The following PCDH15 variants were observed in gnomAD, a reference collection of about 807,000 sequenced individuals.
PCDH15 encodes the protein protocadherin-15.
In PCDH15, 129 loss-of-function variants were observed where a neutral mutation model predicts 178.5. That is an observed-to-expected ratio of 0.72 (90% CI 0.63 to 0.84). PCDH15 has a LOEUF of 0.84. Among genes scored for constraint, PCDH15 ranks in the 40% least tolerant of loss-of-function variants. PCDH15 has a pLI of 0.00. For synonymous variants in PCDH15, 800 were observed against 732.0 expected (o/e 1.09, Z -1.50); for missense variants, 2,230 against 2,099.9 (o/e 1.06, Z -1.21).
intron 25 of PCDH15, among the ~76,000 whole-genome samples, chr10:53,909,449 A>G (rs926916531): frequency 6.6e-6 from 1 of 152,186 alleles, no homozygotes; most frequent in Non-Finnish European, 1.5e-5. Context: ...GTCCTCTTAA[A>G]TAAAATAAAT....
intron 35 of PCDH15, among the ~76,000 whole-genome samples, chr10:53,813,820 C>T (rs1157146456): frequency 1.3e-5 from 2 of 151,908 alleles, no homozygotes; most frequent in African/African-American, 4.8e-5. Flanking sequence ...CAAGAACTGA[C>T]TAAAGAATAT....
At chr10:53,811,186 C>T (rs1446058341) in intron 36 of PCDH15, among the ~76,000 whole-genome samples, 3 of 152,134 alleles carry the variant, frequency 2.0e-5, no homozygotes, top group Admixed American at 2.0e-4. Flanking sequence ...CCTAACTGCT[C>T]TTGGGCAAAA....
chr10:55,024,456 C>A (rs2384609), intron 2 of PCDH15, among the ~76,000 whole-genome samples: 1 of 49,872 alleles, frequency 2.0e-5, no homozygotes, highest in African/African-American at 4.6e-5. Context: ...TATATATATA[C>A]ACACACATAT....
chr10:54,416,895 A>G lies in PCDH15; in HGVS notation c.158-37953T>C, dbSNP rs373900992. 2.0e-5 allele frequency among the ~76,000 whole-genome samples: 3 copies of G among 151,960 alleles called. No homozygotes were observed. The East Asian group carries it at 5.8e-4, about 29-fold the overall frequency. On this transcript the variant is annotated intron_variant, in intron 3 of 37. Coordinates refer to ENST00000644397, the MANE Select transcript of PCDH15 (RefSeq NM_001384140.1). The stretch of plus-strand genomic sequence containing the variant: ...GATCCCTGATGTTGAGCATTTTTTC[A>G]TGTTTGTTGGCCATGTAGATGTCAT...
At chr10:55,092,834 T>TTG in intron 2 of PCDH15, among the ~76,000 whole-genome samples, 1 of 151,956 alleles carries the variant, frequency 6.6e-6, no homozygotes, top group South Asian at 2.1e-4. Context: ...GACTCACATA[T>TTG]TAAAACAACA....
At chr10:53,861,730 C>A (rs929047596) in intron 27 of PCDH15, among the ~76,000 whole-genome samples, 49 of 152,046 alleles carry the variant, frequency 3.2e-4, no homozygotes, top group Non-Finnish European at 5.9e-5. Flanking sequence ...TCTTTGAAAT[C>A]TGGTGTGTAT....
intron 1 of PCDH15, among the ~76,000 whole-genome samples, chr10:54,671,340 TCCTA>T (rs2094666387): frequency 6.6e-6 from 1 of 152,142 alleles, no homozygotes; most frequent in Non-Finnish European, 1.5e-5. Context: ...ATGAGTATTT[TCCTA>T]AGGCAAATCC....
chr10:55,385,740 T>G (rs546773962), intron 2 of PCDH15, among the ~76,000 whole-genome samples: 1 of 144,736 alleles, frequency 6.9e-6, no homozygotes, highest in Non-Finnish European at 1.5e-5. Context: ...TACACGTATA[T>G]AGATATGCAT....
chr10:53,965,055 C>T (rs1048814962), intron 21 of PCDH15, among the ~76,000 whole-genome samples: 17 of 114,632 alleles, frequency 1.5e-4, no homozygotes, highest in African/African-American at 5.4e-4. Context: ...ATTAATAGTA[C>T]CTACATTTTT....
At chr10:54,694,358 T>C (rs2135843952) in intron 1 of PCDH15, among the ~76,000 whole-genome samples, 1 of 152,290 alleles carries the variant, frequency 6.6e-6, no homozygotes, top group Middle Eastern at 3.4e-3. Flanking sequence ...ACAAATACCT[T>C]TTTTATTCAA....
chr10:54,502,806 T>C (rs1311238649), intron 3 of PCDH15, among the ~76,000 whole-genome samples: 1 of 152,072 alleles, frequency 6.6e-6, no homozygotes, highest in African/African-American at 2.4e-5. Flanking sequence ...GTTGTATTCT[T>C]TCCACTGTTT....
At chr10:54,929,600 T>C (rs1303717727) in intron 2 of PCDH15, among the ~76,000 whole-genome samples, 1 of 152,166 alleles carries the variant, frequency 6.6e-6, no homozygotes, top group African/African-American at 2.4e-5. Flanking sequence ...TTGTGGCCCA[T>C]TGGCCAAATT....
intron 4 of PCDH15, among the ~76,000 whole-genome samples, chr10:54,369,506 G>T (rs1947326143): frequency 6.6e-6 from 1 of 151,972 alleles, no homozygotes. Flanking sequence ...CTCACAGTTA[G>T]TGGATGGCTA....
intron 1 of PCDH15, among the ~76,000 whole-genome samples, chr10:54,692,138 T>C (rs1374237202): frequency 6.6e-6 from 1 of 152,180 alleles, no homozygotes; most frequent in African/African-American, 2.4e-5. Context: ...ATCATAGCTC[T>C]ATTTATTATA....
At chr10:55,033,037 T>A (rs1840649719) in intron 2 of PCDH15, among the ~76,000 whole-genome samples, 1 of 152,218 alleles carries the variant, frequency 6.6e-6, no homozygotes, top group South Asian at 2.1e-4. Context: ...ACCATGATGC[T>A]AAATCTTCAG....
At chr10:54,830,603 A>C (rs1415823747) in intron 3 of PCDH15, among the ~76,000 whole-genome samples, 1 of 151,074 alleles carries the variant, frequency 6.6e-6, no homozygotes, top group East Asian at 2.0e-4. Flanking sequence ...GGTAGGGGGG[A>C]GGGATAGCAT....
At chr10:55,221,906 G>A (rs547165243) in intron 1 of PCDH15, among the ~76,000 whole-genome samples, 3 of 147,824 alleles carry the variant, frequency 2.0e-5, no homozygotes, top group Admixed American at 6.7e-5. Context: ...TCACTCTGTC[G>A]CCCAGGCTGG....
chr10:55,298,807 A>G (rs1042926137), intron 1 of PCDH15, among the ~76,000 whole-genome samples: 3 of 152,006 alleles, frequency 2.0e-5, no homozygotes, highest in African/African-American at 7.2e-5. Context: ...CCAACTCCTG[A>G]CCTCAGGTGA....
At chr10:54,963,142 T>C (rs891980970) in intron 2 of PCDH15, among the ~76,000 whole-genome samples, 1 of 152,216 alleles carries the variant, frequency 6.6e-6, no homozygotes, top group Non-Finnish European at 1.5e-5. Flanking sequence ...AAATAGTTTT[T>C]CTGACATTTA....
Sources: allele counts gnomAD v4.1 joint callset (sites outside exome capture counted in the v4.1 genomes callset), GRCh38; gene constraint gnomAD v4.1.1; transcripts MANE v1.5; gene names NCBI Gene and HGNC (gene_info 2026-07-23, HGNC 2026-07-21).